The following EPCAM variants were observed in gnomAD, a reference collection of about 807,000 sequenced individuals.
EPCAM encodes epithelial cell adhesion molecule.
A neutral mutation model predicts 40.0 loss-of-function variants in EPCAM; 39 were observed. That is an observed-to-expected ratio of 0.98 (90% CI 0.76 to 1.27). The LOEUF (loss-of-function observed/expected upper bound fraction) is 1.27, where lower values mean the gene tolerates loss of function less well. Ranked by LOEUF, EPCAM falls within the 50% of genes most tolerant of loss-of-function variation. The probability of loss-of-function intolerance (pLI) is 0.00; values close to 1 mark genes in which losing one functional copy is unlikely to be tolerated. For synonymous variants in EPCAM, 168 were observed against 132.3 expected (o/e 1.27, Z -1.85); for missense variants, 503 against 381.2 (o/e 1.32, Z -2.66).
intron 1 of EPCAM, 103 bp from the exon 2 acceptor site, chr2:47,373,360 G>T (rs1009233404): frequency 1.3e-6 from 1 of 780,634 alleles, no homozygotes; most frequent in Non-Finnish European, 2.1e-6. Context: ...TTAAGGTTTT[G>T]TGTCCTTGTA....
intron 1 of EPCAM, 124 bp from the exon 2 acceptor site, chr2:47,373,339 A>G: frequency 2.8e-6 from 2 of 704,628 alleles, no homozygotes; most frequent in Non-Finnish European, 4.8e-6. Flanking sequence ...TAAAACATTC[A>G]GAACCACTTT....
rs1370178769 is a variant in EPCAM, at chr2:47,379,755, C to G, written c.658-14C>G. On this transcript the variant is annotated splice_polypyrimidine_tract_variant and intron_variant, in intron 6 of 8. Transcript: ENST00000263735. ...CTTAAATATTTTTAATTCCTTTTCT[C>G]CTTTTCAATACAGGTTAAAGGTGAA... is the stretch of plus-strand genomic sequence containing the variant. 6.2e-7 allele frequency: 1 copy of G among 1,611,728 alleles called. No homozygotes were observed. Among genetic ancestry groups the G allele is most frequent in the South Asian group, 1.1e-5 (1 of 90,922 alleles).
At position 47,384,492 on chromosome 2, in the gene EPCAM, C is replaced by A. The variant is rs369063138; in HGVS notation, c.859-674C>A. Among the ~76,000 whole-genome samples the A allele has an allele frequency of 1.8e-4, 27 of 152,114 alleles. No homozygotes were observed. In the East Asian group the frequency reaches 4.8e-3, roughly 27 times the overall value. On this transcript the variant is annotated intron_variant, in intron 7 of 8. Coordinates refer to ENST00000263735, the MANE Select transcript of EPCAM (RefSeq NM_002354.3). ...GCAATGGCGCCATCTCGGCTCACTG[C>A]AACCTCTGCCTCTCGGGTTCAAGTG... is the stretch of plus-strand genomic sequence containing the variant.
chr2:47,375,724 T>A (rs1485151424), intron 4 of EPCAM, among the ~76,000 whole-genome samples: 1 of 151,596 alleles, frequency 6.6e-6, no homozygotes, highest in Admixed American at 6.6e-5. Context: ...TTTTTTTTTT[T>A]AGACGGAGTC....
At chr2:47,386,504 T>C in intron 8 of EPCAM, 68 bp from the exon 9 acceptor site, 1 of 1,186,160 alleles carries the variant, frequency 8.4e-7, no homozygotes, top group Non-Finnish European at 1.2e-6. Context: ...TATTTAATAC[T>C]ATTTTCAGAA....
chr2:47,369,464 C>A lies in EPCAM; in HGVS notation c.-42C>A, dbSNP rs1392781809. The A allele has an allele frequency of 2.1e-6, 3 of 1,443,180 alleles. No homozygotes were observed. Among genetic ancestry groups the A allele is most frequent in the Non-Finnish European group, 2.7e-6 (3 of 1,107,200 alleles). 89.4% of individuals were successfully genotyped at this position (1,443,180 alleles called of 1,614,324 possible). ...TCCCGGCGCACGCCCTCCCGCGAGT[C>A]CCGGGCCCCTCCCGCGCCCCTCTTC... On this transcript the variant is annotated 5_prime_UTR_variant, in exon 1 of 9. Coordinates refer to ENST00000263735, the MANE Select transcript of EPCAM (RefSeq NM_002354.3).
At position 47,379,880 on chromosome 2, in the gene EPCAM, C is replaced by A. The variant is rs975353107; in HGVS notation, c.769C>A (p.Pro257Thr). The change falls in exon 7 of 9, where the codon CCT becomes ACT. Residue 257 changes from proline to threonine, a missense_variant. Transcript: ENST00000263735. Reference sequence around the variant, plus strand: ...AATTTATTATGTTGATGAAAAAGCACCTGAATTCTCAATGCAGGGTCTAAA... The same window carrying A: ...AATTTATTATGTTGATGAAAAAGCAACTGAATTCTCAATGCAGGGTCTAAA... ...TLIYYVDEKA[P>T]EFSMQGLKAG... 6.2e-7 allele frequency: 1 copy of A among 1,613,968 alleles called. No individual in the cohort carries two copies. The highest frequency in any genetic ancestry group is 1.3e-5 in the African/African-American group (1 of 74,886).
intron 4 of EPCAM, among the ~76,000 whole-genome samples, chr2:47,375,832 A>G (rs1255528216): frequency 2.0e-5 from 3 of 151,736 alleles, no homozygotes; most frequent in African/African-American, 4.8e-5. Flanking sequence ...CAGCCTTCCA[A>G]GTAGCTGGGA....
chr2:47,373,013 C>G (rs936842485), intron 1 of EPCAM, among the ~76,000 whole-genome samples: 2 of 151,548 alleles, frequency 1.3e-5, no homozygotes, highest in African/African-American at 4.8e-5. Context: ...CAAAACCAGC[C>G]TGGGCAACAT....
chr2:47,371,760 C>G (rs1323972870), intron 1 of EPCAM, among the ~76,000 whole-genome samples: 2 of 152,146 alleles, frequency 1.3e-5, no homozygotes, highest in Non-Finnish European at 2.9e-5. Context: ...CGCTTGAGAA[C>G]AAGTGCTGTA....
At chr2:47,380,131 C>T (rs1260500783) in intron 7 of EPCAM, among the ~76,000 whole-genome samples, 162 bp downstream of exon 7, 4 of 152,106 alleles carry the variant, frequency 2.6e-5, no homozygotes, top group African/African-American at 9.7e-5. Context: ...CACTGGGCAA[C>T]ATGGTGAAAC....
chr2:47,383,844 C>G (rs867726223), intron 7 of EPCAM, among the ~76,000 whole-genome samples: 17 of 151,590 alleles, frequency 1.1e-4, no homozygotes, highest in African/African-American at 3.9e-4. Context: ...ACCATGTTGG[C>G]CAGGCTGATC....
rs530250002 is a variant in EPCAM at position 47,371,479 on chromosome 2, G to A, written c.76+1898G>A. Among the ~76,000 whole-genome samples, 6 of 152,312 alleles carry A rather than the reference G, an allele frequency of 3.9e-5. No homozygotes were observed. In the East Asian group the frequency reaches 1.2e-3, roughly 29 times the overall value. ...AGAAGTGGAGTGGCGTTTGCCAAAG[G>A]TCTCTGGAAGGGCTTTTACACTTTC... On this transcript the variant is annotated intron_variant, in intron 1 of 8. Transcript: ENST00000263735.
chr2:47,383,674 G>C (rs189198743), intron 7 of EPCAM, among the ~76,000 whole-genome samples: 1,132 of 109,090 alleles, frequency 0.01, 19 homozygotes, highest in African/African-American at 0.034. Flanking sequence ...TTGCTCTGTT[G>C]CCCAGGCTGG....
intron 7 of EPCAM, among the ~76,000 whole-genome samples, chr2:47,384,597 G>A (rs1296733983): frequency 6.7e-6 from 1 of 149,946 alleles, no homozygotes; most frequent in African/African-American, 2.5e-5. Flanking sequence ...TGTTTTTTTA[G>A]TAGAGTCGGG....
At chr2:47,372,807 G>C (rs531684380) in intron 1 of EPCAM, among the ~76,000 whole-genome samples, 1 of 152,146 alleles carries the variant, frequency 6.6e-6, no homozygotes, top group African/African-American at 2.4e-5. Flanking sequence ...GACTAACAGG[G>C]ATGTTACTTA....
At chr2:47,369,930 G>T in intron 1 of EPCAM, 1 of 399,264 alleles carries the variant, frequency 2.5e-6, no homozygotes, top group South Asian at 2.1e-5. Context: ...CCTCGGTTCG[G>T]GGTGGACTTG....
At position 47,369,395 on chromosome 2, in the gene EPCAM, GTGCCCCA is replaced by G; in HGVS notation, c.-110_-104del. 8.3e-7 allele frequency: 1 copy of G among 1,210,068 alleles called. No homozygotes were observed. The highest frequency in any genetic ancestry group is 1.1e-6 in the Non-Finnish European group (1 of 929,892). The allele number at this position is 1,210,068 out of a possible 1,614,324, so 75.0% of individuals were successfully genotyped here. ...CGCTGTCCTCCCGACGCGGACCCGCGTGCCCCAGGCCTCGCGCTGCCCGGCCGGCTCC... is the reference window on the plus strand; with the variant it reads ...CGCTGTCCTCCCGACGCGGACCCGCGGGCCTCGCGCTGCCCGGCCGGCTCC... On this transcript the variant is annotated 5_prime_UTR_variant, in exon 1 of 9. Coordinates refer to ENST00000263735, the MANE Select transcript of EPCAM (RefSeq NM_002354.3).
intron 2 of EPCAM, 47 bp from the exon 3 acceptor site, chr2:47,373,761 C>G: frequency 6.2e-7 from 1 of 1,611,704 alleles, no homozygotes; most frequent in Non-Finnish European, 8.5e-7. Context: ...TTCCCGTAAT[C>G]ATGAAATCAG....
Sources: allele counts gnomAD v4.1 joint callset (sites outside exome capture counted in the v4.1 genomes callset), GRCh38; gene constraint gnomAD v4.1.1; transcripts MANE v1.5; gene names NCBI Gene and HGNC (gene_info 2026-07-23, HGNC 2026-07-21).